The following NIPA2 variants were observed in gnomAD, a reference collection of about 807,000 sequenced individuals.
NIPA2 encodes the protein magnesium transporter NIPA2.
Under a neutral mutation model 29.7 loss-of-function variants are expected in NIPA2, and 11 were observed. That is an observed-to-expected ratio of 0.37 (90% CI 0.23 to 0.61). The LOEUF (loss-of-function observed/expected upper bound fraction) is 0.61, where lower values mean the gene tolerates loss of function less well. Among genes scored for constraint, NIPA2 ranks in the 20% least tolerant of loss-of-function variants. The pLI is 0.66. For missense variants in NIPA2, 426 were observed against 437.9 expected (o/e 0.97, Z 0.24); for synonymous variants, 183 against 161.9 (o/e 1.13, Z -0.99).
intron 7 of NIPA2, among the ~76,000 whole-genome samples, chr15:22,862,049 C>CTTTTTTTTTTTTTTTTTTT (rs57513456): frequency 1.9e-4 from 20 of 103,942 alleles, no homozygotes; most frequent in African/African-American, 6.8e-4. Flanking sequence ...ATGGGTCTCT[C>CTTTTTTTTTTTTTTTTTTT]TTTTTTTTTT....
At chr15:22,866,180 T>C in intron 7 of NIPA2, 33 bp from the exon 8 acceptor site, 1 of 1,583,416 alleles carries the variant, frequency 6.3e-7, no homozygotes, top group Non-Finnish European at 8.6e-7. Context: ...AACCAACCAT[T>C]TGACTCATGT....
chr15:22,839,466 G>A (rs1896420242), intron 1 of NIPA2, among the ~76,000 whole-genome samples, 189 bp from the exon 2 acceptor site: 1 of 152,110 alleles, frequency 6.6e-6, no homozygotes, highest in Non-Finnish European at 1.5e-5. Flanking sequence ...ACTTTTTTTA[G>A]TAAGAGGAAA....
intron 5 of NIPA2, among the ~76,000 whole-genome samples, chr15:22,855,665 G>A (rs917012449): frequency 2.0e-5 from 3 of 152,098 alleles, no homozygotes; most frequent in African/African-American, 7.2e-5. Context: ...GAGTGAAGTC[G>A]GAAGGAGTGT....
chr15:22,840,302 G>GTT (rs34852065), intron 2 of NIPA2, among the ~76,000 whole-genome samples: 16,326 of 129,312 alleles, frequency 0.13, 1,278 homozygotes, highest in Admixed American at 0.22. Flanking sequence ...TTTTTTTTTT[G>GTT]TTTTTTTTTT....
chr15:22,840,299 T>G (rs541303951), intron 2 of NIPA2, among the ~76,000 whole-genome samples: 15 of 144,214 alleles, frequency 1.0e-4, no homozygotes, highest in East Asian at 2.0e-4. Context: ...AGTTTTTTTT[T>G]TTGTTTTTTT....
chr15:22,862,049 C>CT (rs57513456), intron 7 of NIPA2, among the ~76,000 whole-genome samples: 42 of 103,946 alleles, frequency 4.0e-4, no homozygotes, highest in South Asian at 4.0e-3. Flanking sequence ...ATGGGTCTCT[C>CT]TTTTTTTTTT....
chr15:22,855,427 A>T (rs559151673), intron 5 of NIPA2, among the ~76,000 whole-genome samples: 108 of 152,222 alleles, frequency 7.1e-4, no homozygotes, highest in African/African-American at 2.4e-3. Context: ...AAAAAAAAAA[A>T]ATATTCTGAA....
chr15:22,854,037 G>A lies in NIPA2; in HGVS notation c.196+769G>A, dbSNP rs187484787. 2.6e-5 allele frequency among the ~76,000 whole-genome samples: 4 copies of A among 151,532 alleles called. No individual in the cohort carries two copies. In the East Asian group the frequency reaches 7.9e-4, roughly 30 times the overall value. On this transcript the variant is annotated intron_variant, in intron 5 of 7. Coordinates refer to ENST00000337451, the MANE Select transcript of NIPA2 (RefSeq NM_030922.7). ...GAGACAGGGATTCACACGTTGGCCAGGCTGGTCTCGATCTCTTGACCTCGT... is the reference window on the plus strand; with the variant it reads ...GAGACAGGGATTCACACGTTGGCCAAGCTGGTCTCGATCTCTTGACCTCGT...
chr15:22,844,342 C>T (rs185616802), intron 2 of NIPA2, among the ~76,000 whole-genome samples: 5 of 152,052 alleles, frequency 3.3e-5, no homozygotes, highest in East Asian at 3.9e-4. Flanking sequence ...GGGCGGATCA[C>T]AAAGTCAGGA....
Position 22,854,414 on chromosome 15 carries a change from C to T in NIPA2, c.196+1146C>T, listed in dbSNP as rs552339490. ...TGCTGGGATTACAGGTGTGAGCCAC[C>T]GTGCCTGGCCTCTTAGTTATTTTTA... On this transcript the variant is annotated intron_variant, in intron 5 of 7. Transcript: ENST00000337451. Among the ~76,000 whole-genome samples, 67 of 150,894 alleles carry T rather than the reference C, an allele frequency of 4.4e-4. 2 individuals carry two copies. The South Asian group carries it at 9.2e-3, about 21-fold the overall frequency.
intron 5 of NIPA2, 23 bp downstream of exon 5, chr15:22,853,291 G>A: frequency 6.7e-7 from 1 of 1,487,938 alleles, no homozygotes; most frequent in Non-Finnish European, 9.3e-7. Context: ...AACATTGCAA[G>A]AAAAATATGA....
At chr15:22,854,144 T>C (rs1246606373) in intron 5 of NIPA2, among the ~76,000 whole-genome samples, 1 of 151,376 alleles carries the variant, frequency 6.6e-6, no homozygotes, top group Non-Finnish European at 1.5e-5. Context: ...TTATTTATTT[T>C]TTGAGACACA....
intron 3 of NIPA2, among the ~76,000 whole-genome samples, chr15:22,848,482 C>G (rs1350052145): frequency 2.0e-5 from 3 of 152,066 alleles, no homozygotes; most frequent in Non-Finnish European, 4.4e-5. Flanking sequence ...TCTGCCTCAG[C>G]CTCCTGGTGT....
At chr15:22,864,960 C>A (rs1051782680) in intron 7 of NIPA2, among the ~76,000 whole-genome samples, 6 of 152,018 alleles carry the variant, frequency 3.9e-5, no homozygotes, top group African/African-American at 1.4e-4. Context: ...CTCCCAGATT[C>A]AAGCGATTCT....
chr15:22,849,400 T>TA (rs1177295852), intron 3 of NIPA2, among the ~76,000 whole-genome samples: 2 of 149,642 alleles, frequency 1.3e-5, no homozygotes, highest in Non-Finnish European at 2.9e-5. Context: ...AATCTTGCCT[T>TA]ATGAATGGCA....
At chr15:22,858,443 G>A (rs1336147543) in intron 5 of NIPA2, 97 bp from the exon 6 acceptor site, 2 of 628,140 alleles carry the variant, frequency 3.2e-6, no homozygotes, top group Non-Finnish European at 5.5e-6. Context: ...ACTAAATACA[G>A]TTGAAATAAT....
chr15:22,846,631 G>GGT (rs1898715011), intron 3 of NIPA2, among the ~76,000 whole-genome samples: 1 of 151,778 alleles, frequency 6.6e-6, no homozygotes, highest in South Asian at 2.1e-4. Flanking sequence ...TGGACAACAT[G>GGT]GTGAAACTCT....
At chr15:22,844,122 T>C (rs1796387340) in intron 2 of NIPA2, among the ~76,000 whole-genome samples, 1 of 152,254 alleles carries the variant, frequency 6.6e-6, no homozygotes, top group Admixed American at 6.5e-5. Flanking sequence ...TGCCTGTTTC[T>C]TAAATCATGT....
At chr15:22,844,387 C>T (rs987634782) in intron 2 of NIPA2, among the ~76,000 whole-genome samples, 5 of 151,880 alleles carry the variant, frequency 3.3e-5, no homozygotes, top group Non-Finnish European at 5.9e-5. Flanking sequence ...AGTGAAACCC[C>T]GTCTCTACTA....
Sources: gnomAD v4.1 joint callset for allele counts (sites outside exome capture counted in the v4.1 genomes callset) on GRCh38, gnomAD v4.1.1 for gene constraint, MANE v1.5 for transcripts, NCBI Gene and HGNC (gene_info 2026-07-23, HGNC 2026-07-21) for gene names.